The following RHOT2 variants were observed in gnomAD, a reference collection of about 807,000 sequenced individuals.
RHOT2 encodes ras homolog family member T2.
A neutral mutation model predicts 81.6 loss-of-function variants in RHOT2; 90 were observed. The observed-to-expected ratio is 1.10, with a 90% confidence interval of 0.93 to 1.31. RHOT2 has a LOEUF of 1.31. RHOT2 is among the 40% of genes most tolerant of loss of function. RHOT2 has a pLI of 0.00. For synonymous variants in RHOT2, 512 were observed against 370.9 expected, an observed-to-expected ratio of 1.38 and a Z score of -4.37; for missense variants, 1,014 against 841.9, an observed-to-expected ratio of 1.20 and a Z score of -2.53.
chr16:671,345 C>G, intron 11 of RHOT2, 142 bp downstream of exon 11: 2 of 1,103,710 alleles, frequency 1.8e-6, no homozygotes, highest in South Asian at 3.3e-5. Context: ...AGCAGGCCAT[C>G]TGGGGTCGTG....
Position 673,116 on chromosome 16 carries a change from C to T in RHOT2, c.1716C>T (p.Thr572=), listed in dbSNP as rs1370694797. ...CCACCATCTTCACCCAGCTCGCCACCATGGCCGCCTTCCCGTGGGTACCCA... is the reference window on the plus strand; with the variant it reads ...CCACCATCTTCACCCAGCTCGCCACTATGGCCGCCTTCCCGTGGGTACCCA... The part of the protein sequence containing the change: ...PSTTIFTQLA[T]MAAFPHLVHA... Residue 572 remains threonine, a synonymous_variant, in exon 18 of 19, where the codon ACC becomes ACT. Transcript: ENST00000315082. 3 of 1,610,950 alleles carry T rather than the reference C, an allele frequency of 1.9e-6. No individual in the cohort carries two copies. Among genetic ancestry groups the T allele is most frequent in the African/African-American group, 2.7e-5 (2 of 74,946 alleles).
chr16:674,131 G>C lies in RHOT2; in HGVS notation c.*525G>C, dbSNP rs538735828. 1 of 209,182 alleles carries C rather than the reference G, an allele frequency of 4.8e-6. No individual in the cohort carries two copies. 13.0% of individuals were successfully genotyped at this position (209,182 alleles called of 1,614,324 possible). On this transcript the variant is annotated 3_prime_UTR_variant, in exon 19 of 19. Coordinates refer to ENST00000315082, the MANE Select transcript of RHOT2 (RefSeq NM_138769.3). ...AACTTCACTGTGTGTTTTCTATCTC[G>C]GATCCCAGTCTCTGAAGACAACTTG... is the stretch of plus-strand genomic sequence containing the variant.
rs2038311739 is a variant in RHOT2, at chr16:668,510, T to A, written c.119T>A (p.Ile40Asn). Residue 40 changes from isoleucine to asparagine, a missense_variant, in exon 3 of 19, where the codon ATC (isoleucine) becomes AAC (asparagine). Physicochemically the swap from Ile to Asn is moderately radical, Grantham distance 149 (BLOSUM62 -3). Transcript: ENST00000315082. Reference sequence around the variant, plus strand: ...CAGGTCCCTCCCCGCGCGGAGGAGATCACCATCCCCGCGGACGTCACCCCG... The same window carrying A: ...CAGGTCCCTCCCCGCGCGGAGGAGAACACCATCCCCGCGGACGTCACCCCG... Reference protein sequence around the residue: ...PEEVPPRAEEITIPADVTPEK... With the variant: ...PEEVPPRAEENTIPADVTPEK... 1 of 1,608,584 alleles carries A rather than the reference T, an allele frequency of 6.2e-7. No individual in the cohort carries two copies. Among genetic ancestry groups the A allele is most frequent in the African/African-American group, 1.3e-5 (1 of 74,428 alleles).
In RHOT2 at chr16:670,184, G is replaced by A. The variant is rs1389916684; in HGVS notation, c.329+9G>A. 7 of 1,607,778 alleles carry A rather than the reference G, an allele frequency of 4.4e-6. No homozygotes were observed. Among genetic ancestry groups the A allele is most frequent in the Non-Finnish European group, 5.1e-6 (6 of 1,177,642 alleles). On this transcript the variant is annotated intron_variant, in intron 6 of 18. Coordinates refer to ENST00000315082, the MANE Select transcript of RHOT2 (RefSeq NM_138769.3). ...ACCACGCAGGGGCCCAGGTAATGAG[G>A]GGATGTGGAAGGGGCTGGGACCCCT...
rs771818755 is a variant in RHOT2 at position 672,393 on chromosome 16, C to T, written c.1326+9C>T. On this transcript the variant is annotated intron_variant, in intron 15 of 18. Coordinates refer to ENST00000315082, the MANE Select transcript of RHOT2 (RefSeq NM_138769.3). Reference sequence around the variant, plus strand: ...TCGGCCGCGGCCTGGGGGTAAGCACCCTAGACTCCCCCACCACCCCAGGGG... The same window carrying T: ...TCGGCCGCGGCCTGGGGGTAAGCACTCTAGACTCCCCCACCACCCCAGGGG... The T allele has an allele frequency of 1.2e-6, 2 of 1,608,182 alleles. No individual in the cohort carries two copies. The highest frequency in any genetic ancestry group is 2.2e-5 in the East Asian group (1 of 44,764).
intron 5 of RHOT2, 32 bp from the exon 6 acceptor site, chr16:670,091 G>A: frequency 1.4e-5 from 21 of 1,535,740 alleles, no homozygotes; most frequent in Non-Finnish European, 1.8e-5. Context: ...CCCGCGGGCA[G>A]CCTCACTTCA....
Position 670,792 on chromosome 16 carries a change from C to A in RHOT2, c.639+19C>A, listed in dbSNP as rs1345047387. On this transcript the variant is annotated intron_variant, in intron 9 of 18. Coordinates refer to ENST00000315082, the MANE Select transcript of RHOT2 (RefSeq NM_138769.3). ...TTTCCAGGTGTGCCCCTGCCCCACCCTCGGTGCCCAGCCCCCTTGAACCTC... is the reference window on the plus strand; with the variant it reads ...TTTCCAGGTGTGCCCCTGCCCCACCATCGGTGCCCAGCCCCCTTGAACCTC... The A allele has an allele frequency of 1.2e-6, 2 of 1,610,544 alleles. No individual in the cohort carries two copies. Among genetic ancestry groups the A allele is most frequent in the Admixed American group, 1.7e-5 (1 of 59,996 alleles).
rs766880601 is a variant in RHOT2, at chr16:672,990, A to C, written c.1590A>C (p.Glu530Asp). ...LFVSSKADLP[E>D]GVAVSGPSPA... Reference sequence around the variant, plus strand: ...TCTCCTCCAAGGCCGACCTGCCCGAAGGTGTCGCGGTGTCTGGCCCATCAC... The same window carrying C: ...TCTCCTCCAAGGCCGACCTGCCCGACGGTGTCGCGGTGTCTGGCCCATCAC... Residue 530 changes from glutamate (E) to aspartate (D), a missense_variant, in exon 18 of 19, where the codon GAA becomes GAC. Physicochemically the swap from Glu to Asp is conservative, Grantham distance 45. Coordinates refer to ENST00000315082, the MANE Select transcript of RHOT2 (RefSeq NM_138769.3). 1 of 1,612,720 alleles carries C rather than the reference A, an allele frequency of 6.2e-7. No homozygotes were observed. The highest frequency in any genetic ancestry group is 8.5e-7 in the Non-Finnish European group (1 of 1,179,980).
Position 672,309 on chromosome 16 carries a change from C to T in RHOT2, c.1251C>T (p.Leu417=). Residue 417 remains leucine (L), a synonymous_variant, in exon 15 of 19, where the codon CTC becomes CTT. Coordinates refer to ENST00000315082, the MANE Select transcript of RHOT2 (RefSeq NM_138769.3). ...QEKGQTQRSV[L]LCKVVGARGV... is the part of the protein sequence containing the mutation. ...AGGGACAGACGCAGCGGAGCGTCCT[C>T]CTGTGCAAGGTGGTAGGGGCCCGTG... 1 of 1,612,438 alleles carries T rather than the reference C, an allele frequency of 6.2e-7. No individual in the cohort carries two copies. Among genetic ancestry groups the T allele is most frequent in the Non-Finnish European group, 8.5e-7 (1 of 1,179,780 alleles).
chr16:668,599 C>T, intron 3 of RHOT2, 30 bp downstream of exon 3: 1 of 1,609,644 alleles, frequency 6.2e-7, no homozygotes, highest in African/African-American at 1.3e-5. Context: ...GGGGGCCCGG[C>T]CCGCAGCGGT....
At chr16:672,456 A>AG (rs768481438) in intron 15 of RHOT2, 33 bp from the exon 16 acceptor site, 2 of 1,611,770 alleles carry the variant, frequency 1.2e-6, no homozygotes, top group Admixed American at 3.3e-5. Context: ...GGGGCACTGC[A>AG]GCCAGCGAGT....
chr16:673,421 C>T (rs1317928280), intron 18 of RHOT2, 59 bp from the exon 19 acceptor site: 2 of 1,609,276 alleles, frequency 1.2e-6, no homozygotes, highest in African/African-American at 1.3e-5. Context: ...GGAGGGTGCC[C>T]AGCAGCAAGC....
At chr16:673,224 A>G in intron 18 of RHOT2, 94 bp downstream of exon 18, 2 of 1,401,842 alleles carry the variant, frequency 1.4e-6, no homozygotes, top group Non-Finnish European at 2.0e-6. Flanking sequence ...GGGGACTAGC[A>G]GTGTCTGTCA....
At position 668,472 on chromosome 16, in the gene RHOT2, C is replaced by CGCGGGTCCCTT. The variant is rs1412263631; in HGVS notation, c.97-13_97-3dup. 1.7e-5 allele frequency: 27 copies of CGCGGGTCCCTT among 1,596,616 alleles called. No individual in the cohort carries two copies. In the Admixed American group the frequency reaches 4.6e-4, roughly 27 times the overall value. On this transcript the variant is annotated splice_polypyrimidine_tract_variant and intron_variant, in intron 2 of 18. Coordinates refer to ENST00000315082, the MANE Select transcript of RHOT2 (RefSeq NM_138769.3). ...CCCAGCCGGGGGTCCCTGGTGAGCG[C>CGCGGGTCCCTT]GCGGGTCCCTTGCAGGTCCCTCCCC...
In RHOT2 at chr16:673,953, C is replaced by T. The variant is rs185613902; in HGVS notation, c.*347C>T. On this transcript the variant is annotated 3_prime_UTR_variant, in exon 19 of 19. Coordinates refer to ENST00000315082, the MANE Select transcript of RHOT2 (RefSeq NM_138769.3). ...CCCCAGACCCAGAATTCTCAGGGCT[C>T]TACCCCCCTTTCCTGGTCCTAGGTG... The T allele has an allele frequency of 2.3e-5, 12 of 514,536 alleles. No individual in the cohort carries two copies. In the East Asian group the frequency reaches 2.9e-4, roughly 13 times the overall value. 31.9% of individuals were successfully genotyped at this position (514,536 alleles called of 1,614,324 possible).
rs756855871 is a variant in RHOT2 at position 670,717 on chromosome 16, C to G, written c.583C>G (p.Leu195Val). 18 of 1,612,346 alleles carry G rather than the reference C, an allele frequency of 1.1e-5. No individual in the cohort carries two copies. Among genetic ancestry groups the G allele is most frequent in the South Asian group, 3.3e-5 (3 of 91,092 alleles). Residue 195 changes from leucine (L) to valine (V), a missense_variant, in exon 9 of 19, where the codon CTC becomes GTC. Coordinates refer to ENST00000315082, the MANE Select transcript of RHOT2 (RefSeq NM_138769.3). The stretch of plus-strand genomic sequence containing the variant: ...CCAGGCGCTGACGCGCATCTTCAGG[C>G]TCTCAGATCAGGACCTGGACCAGGC... The part of the protein sequence containing the change: ...CAQALTRIFR[L>V]SDQDLDQALS...
At chr16:668,909 C>A (rs1329258917) in intron 4 of RHOT2, 3 of 544,262 alleles carry the variant, frequency 5.5e-6, no homozygotes, top group Non-Finnish European at 9.5e-6. Flanking sequence ...ATAACAGGAC[C>A]CTTCCCCGCG....
At position 671,024 on chromosome 16, in the gene RHOT2, C is replaced by T. The variant is rs750206921; in HGVS notation, c.748+24C>T. The T allele has an allele frequency of 3.1e-6, 5 of 1,604,814 alleles. No individual in the cohort carries two copies. In the Middle Eastern group the frequency reaches 5.0e-4, roughly 160 times the overall value. On this transcript the variant is annotated intron_variant, in intron 10 of 18. Transcript: ENST00000315082. ...TGGTGAGGCCGGGTGCCCGCCTGTG[C>T]CTGGGGAGTGTGGGGAGGGGGCTGT...
chr16:673,353 C>G (rs1482930206), intron 18 of RHOT2, 127 bp from the exon 19 acceptor site: 2 of 1,441,548 alleles, frequency 1.4e-6, no homozygotes, highest in Non-Finnish European at 1.9e-6. Context: ...CTGGCCTCCA[C>G]CGGCTGTGCC....
Sources: allele counts gnomAD v4.1 joint callset, GRCh38; gene constraint gnomAD v4.1.1; transcripts MANE v1.5; gene names NCBI Gene and HGNC (gene_info 2026-07-23, HGNC 2026-07-21).